The following POU2F3 variants were observed in gnomAD, a reference collection of about 807,000 sequenced individuals.
The protein encoded by POU2F3 is POU domain, class 2, transcription factor 3.
A neutral mutation model predicts 59.2 loss-of-function variants in POU2F3; 23 were observed. The ratio of observed to expected loss-of-function variants is 0.39; its 90% CI spans 0.28 to 0.55. The LOEUF (loss-of-function observed/expected upper bound fraction) is 0.55. POU2F3 is among the 20% of genes least tolerant of loss of function. The pLI is 0.66. For missense variants in POU2F3, 473 were observed against 544.5 expected, an observed-to-expected ratio of 0.87 and a Z score of 1.31; for synonymous variants, 190 against 214.6, an observed-to-expected ratio of 0.89 and a Z score of 1.00.
At chr11:120,239,179 G>A (rs986292744), upstream of POU2F3, among the ~76,000 whole-genome samples, 1 of 152,226 alleles carries the variant, frequency 6.6e-6, no homozygotes, top group African/African-American at 2.4e-5. Flanking sequence ...ATGTTCATGA[G>A]GAGTCCTGTC....
At chr11:120,312,832 T>A (rs1187449834) in intron 10 of POU2F3, among the ~76,000 whole-genome samples, 1 of 152,184 alleles carries the variant, frequency 6.6e-6, no homozygotes, top group East Asian at 1.9e-4. Context: ...TGAGGAATGA[T>A]GTTTAAACTG....
At chr11:120,280,328 T>C (rs905289141) in intron 3 of POU2F3, among the ~76,000 whole-genome samples, 31 of 152,148 alleles carry the variant, frequency 2.0e-4, no homozygotes, top group African/African-American at 6.5e-4. Flanking sequence ...ATTTTAAAGA[T>C]GAAGAAACTG....
intron 3 of POU2F3, among the ~76,000 whole-genome samples, chr11:120,288,242 A>G (rs1940886087): frequency 1.3e-5 from 2 of 151,862 alleles, no homozygotes; most frequent in Admixed American, 1.3e-4. Flanking sequence ...TTTTAAAACA[A>G]GTTAGAAATT....
At chr11:120,258,608 A>C (rs1329655409) in intron 2 of POU2F3, among the ~76,000 whole-genome samples, 2 of 152,152 alleles carry the variant, frequency 1.3e-5, no homozygotes, top group East Asian at 3.9e-4. Flanking sequence ...GTGCAACTAG[A>C]ACAGAGCTCT....
At chr11:120,301,054 G>A (rs1255697089) in intron 5 of POU2F3, 2 of 456,308 alleles carry the variant, frequency 4.4e-6, no homozygotes, top group Admixed American at 4.7e-5. Flanking sequence ...AGACTGGAGA[G>A]CGACATGAAA....
At chr11:120,243,524 G>A (rs984451997) in intron 1 of POU2F3, among the ~76,000 whole-genome samples, 2 of 152,218 alleles carry the variant, frequency 1.3e-5, no homozygotes, top group African/African-American at 4.8e-5. Flanking sequence ...GAGCAGCTGA[G>A]CCTCCCCAGG....
rs11825106 is a variant in POU2F3, at chr11:120,306,362, G to A, written c.769+577G>A. ...GGAGGCAACCCAGGAGATCAAGCGT[G>A]TAAGCCAAGGGACCTCACATTTGGC... On this transcript the variant is annotated intron_variant, in intron 8 of 12. Transcript: ENST00000543440. 5.3e-3 allele frequency among the ~76,000 whole-genome samples: 802 copies of A among 152,268 alleles called. 7 individuals are homozygous for A. Among genetic ancestry groups the A allele is most frequent in the African/African-American group, 0.018 (749 of 41,534 alleles).
chr11:120,301,083 C>A (rs1179602998), intron 5 of POU2F3: 1 of 456,162 alleles, frequency 2.2e-6, no homozygotes, highest in South Asian at 1.5e-5. Context: ...GGCTTATAAC[C>A]ACCTAGGTCA....
At chr11:120,238,233 T>TC (rs1194790788), upstream of POU2F3, among the ~76,000 whole-genome samples, 1 of 151,758 alleles carries the variant, frequency 6.6e-6, no homozygotes, top group Non-Finnish European at 1.5e-5. Flanking sequence ...AGGTAGAAAC[T>TC]CCATCTCAAA....
At chr11:120,257,329 T>C (rs1434202227) in intron 2 of POU2F3, among the ~76,000 whole-genome samples, 1 of 151,930 alleles carries the variant, frequency 6.6e-6, no homozygotes, top group Non-Finnish European at 1.5e-5. Flanking sequence ...TTTGCTTTGG[T>C]TTTGTTCCTT....
chr11:120,305,195 A>G lies in POU2F3; in HGVS notation c.610A>G (p.Lys204Glu). 1 of 1,613,730 alleles carries G rather than the reference A, an allele frequency of 6.2e-7. No individual in the cohort carries two copies. Among genetic ancestry groups the G allele is most frequent in the Non-Finnish European group, 8.5e-7 (1 of 1,179,932 alleles). ...FAKTFKQRRI[K>E]LGFTQGDVGL... ...CAAGACCTTCAAGCAGAGGCGCATT[A>G]AGCTGGGCTTCACACAGGTTTGGTT... The change falls in exon 7 of 13, where the codon AAG becomes GAG. Residue 204 changes from lysine (K) to glutamate (E), a missense_variant. By Grantham distance (56) the Lys-to-Glu change is moderately conservative (BLOSUM62 1). Coordinates refer to ENST00000543440, the MANE Select transcript of POU2F3 (RefSeq NM_014352.4).
At position 120,285,969 on chromosome 11, in the gene POU2F3, G is replaced by GC. The variant is rs1447738557; in HGVS notation, c.133-12291dup. On this transcript the variant is annotated intron_variant, in intron 3 of 12. Coordinates refer to ENST00000543440, the MANE Select transcript of POU2F3 (RefSeq NM_014352.4). The surrounding 1 kb of genome is among the most constrained non-coding windows in gnomAD (Gnocchi z 4.3). Reference sequence around the variant, plus strand: ...GCTATCTCGGCTCACTGCAACCTCCGCCCCCAGGGTTCAAACAATTCTCGT... The same window carrying GC: ...GCTATCTCGGCTCACTGCAACCTCCGCCCCCCAGGGTTCAAACAATTCTCGT... 6.6e-6 allele frequency among the ~76,000 whole-genome samples: 1 copy of GC among 151,844 alleles called. No homozygotes were observed. Among genetic ancestry groups the GC allele is most frequent in the South Asian group, 2.1e-4 (1 of 4,790 alleles).
At chr11:120,242,399 C>G (rs1344396922) in intron 1 of POU2F3, among the ~76,000 whole-genome samples, 1 of 152,280 alleles carries the variant, frequency 6.6e-6, no homozygotes, top group East Asian at 1.9e-4. Flanking sequence ...TATGGAATAT[C>G]TCATTATGGG....
chr11:120,246,694 C>T (rs1051862779), intron 2 of POU2F3, among the ~76,000 whole-genome samples, 177 bp downstream of exon 2: 1 of 152,140 alleles, frequency 6.6e-6, no homozygotes, highest in Non-Finnish European at 1.5e-5. Flanking sequence ...AGCCTTTGAA[C>T]AGTAGATATT....
At chr11:120,274,108 AAAGGAAGGAAGGAAGG>A (rs58202053) in intron 3 of POU2F3, among the ~76,000 whole-genome samples, 2,902 of 116,190 alleles carry the variant, frequency 0.025, 101 homozygotes, top group African/African-American at 0.094. Flanking sequence ...AGGAAGGAAG[AAAGGAAGGAAGGAAGG>A]AAGGAAGGAA....
intron 3 of POU2F3, among the ~76,000 whole-genome samples, chr11:120,270,520 G>A (rs557576879): frequency 2.8e-4 from 43 of 152,186 alleles, no homozygotes; most frequent in Non-Finnish European, 4.9e-4. Flanking sequence ...GAAGAGTGAC[G>A]TAGAAAGGGA....
intron 3 of POU2F3, among the ~76,000 whole-genome samples, chr11:120,281,804 A>T (rs529951654): frequency 6.6e-6 from 1 of 152,050 alleles, no homozygotes; most frequent in Non-Finnish European, 1.5e-5. Flanking sequence ...CCACCAACAC[A>T]ATCTGTGTAA....
chr11:120,284,559 G>A (rs1042297276), intron 3 of POU2F3, among the ~76,000 whole-genome samples: 7 of 152,112 alleles, frequency 4.6e-5, no homozygotes, highest in African/African-American at 1.7e-4. Flanking sequence ...GTGTGTGCAG[G>A]ACTCTGACCA....
At chr11:120,282,786 T>G (rs1940624270) in intron 3 of POU2F3, among the ~76,000 whole-genome samples, 1 of 152,238 alleles carries the variant, frequency 6.6e-6, no homozygotes, top group South Asian at 2.1e-4. Flanking sequence ...ATTAAGATTT[T>G]TATGTTTATA....
Sources: allele counts gnomAD v4.1 joint callset (sites outside exome capture counted in the v4.1 genomes callset), GRCh38; gene constraint gnomAD v4.1.1; non-coding constraint Gnocchi (gnomAD v3.1); transcripts MANE v1.5; gene names NCBI Gene and HGNC (gene_info 2026-07-23, HGNC 2026-07-21).